The following DPYSL2 variants were observed in gnomAD, a reference collection of about 807,000 sequenced individuals.
The protein encoded by DPYSL2 is dihydropyrimidinase like 2, also known as dihydropyrimidinase-related protein 2.
A neutral mutation model predicts 69.9 loss-of-function variants in DPYSL2; 13 were observed. The ratio of observed to expected loss-of-function variants is 0.19; its 90% CI spans 0.12 to 0.30. The LOEUF (loss-of-function observed/expected upper bound fraction) is 0.30. DPYSL2 is among the 10% of genes least tolerant of loss of function. DPYSL2 has a pLI of 1.00. For synonymous variants in DPYSL2, 326 were observed against 359.1 expected, an observed-to-expected ratio of 0.91 and a Z score of 1.04; for missense variants, 587 against 918.9, an observed-to-expected ratio of 0.64 and a Z score of 4.67.
In DPYSL2 at chr8:26,562,364, A is replaced by G. The variant is rs1801086625; in HGVS notation, c.355-19605A>G. On this transcript the variant is annotated intron_variant, in intron 1 of 13. Transcript: ENST00000521913. This position sits in a 1 kb window ranked among gnomAD's most constrained non-coding sequence, Gnocchi z 4.9. ...GCCCAGTAATTGCTGCAAAAGTGGT[A>G]GCTGTTATTATTGCCTCCAACATAA... is the stretch of plus-strand genomic sequence containing the variant. Among the ~76,000 whole-genome samples the G allele has an allele frequency of 6.6e-6, 1 of 152,184 alleles. No individual in the cohort carries two copies. Among genetic ancestry groups the G allele is most frequent in the Non-Finnish European group, 1.5e-5 (1 of 68,032 alleles).
chr8:26,519,770 A>C (rs1808355793), intron 1 of DPYSL2, among the ~76,000 whole-genome samples: 1 of 152,184 alleles, frequency 6.6e-6, no homozygotes. Flanking sequence ...TAAGGGTACA[A>C]TTTAATTTTG....
intron 7 of DPYSL2, among the ~76,000 whole-genome samples, chr8:26,631,756 G>A (rs749937): frequency 0.21 from 32,494 of 151,798 alleles, 4,726 homozygotes; most frequent in African/African-American, 0.4. Flanking sequence ...TGACAGCCCA[G>A]TGAGGCGAGG....
At chr8:26,592,312 C>A (rs1051879592) in intron 3 of DPYSL2, among the ~76,000 whole-genome samples, 4 of 152,030 alleles carry the variant, frequency 2.6e-5, no homozygotes, top group African/African-American at 9.7e-5. Flanking sequence ...ACCACTACAC[C>A]CGGCTAATTT....
rs922342737 is a variant in DPYSL2 at position 26,588,524 on chromosome 8, C to A, written c.628+4541C>A. Reference sequence around the variant, plus strand: ...AATGTCATTTCTGCTCACCTGAACTCCAGGCTCTCTCTAGAGGAGGTGCAC... The same window carrying A: ...AATGTCATTTCTGCTCACCTGAACTACAGGCTCTCTCTAGAGGAGGTGCAC... On this transcript the variant is annotated intron_variant, in intron 3 of 13. Coordinates refer to ENST00000521913, the MANE Select transcript of DPYSL2 (RefSeq NM_001197293.3). The surrounding 1 kb of genome is among the most constrained non-coding windows in gnomAD (Gnocchi z 5.4). Among the ~76,000 whole-genome samples the A allele has an allele frequency of 1.8e-4, 27 of 152,156 alleles. No individual in the cohort carries two copies. Among genetic ancestry groups the A allele is most frequent in the African/African-American group, 6.5e-4 (27 of 41,434 alleles).
At chr8:26,606,219 T>C (rs1281793245) in intron 3 of DPYSL2, among the ~76,000 whole-genome samples, 2 of 152,156 alleles carry the variant, frequency 1.3e-5, no homozygotes, top group African/African-American at 4.8e-5. Flanking sequence ...AAAATATTCA[T>C]AGTATTATAT....
intron 3 of DPYSL2, among the ~76,000 whole-genome samples, chr8:26,616,745 TC>T (rs1802359708): frequency 6.6e-6 from 1 of 152,142 alleles, no homozygotes; most frequent in Admixed American, 6.5e-5. Context: ...CCCTCTTCCC[TC>T]CTGCTCCACG....
chr8:26,598,093 C>T lies in DPYSL2; in HGVS notation c.628+14110C>T, dbSNP rs553626312. ...GCATAATAGGGTTGCTTTGAGGATCCAGGGAGGTGGTGGCTATGGCAGGGC... is the reference window on the plus strand; with the variant it reads ...GCATAATAGGGTTGCTTTGAGGATCTAGGGAGGTGGTGGCTATGGCAGGGC... On this transcript the variant is annotated intron_variant, in intron 3 of 13. Transcript: ENST00000521913. This position sits in a 1 kb window ranked among gnomAD's most constrained non-coding sequence, Gnocchi z 4.2. Among the ~76,000 whole-genome samples the T allele has an allele frequency of 6.6e-6, 1 of 152,210 alleles. No individual in the cohort carries two copies. The highest frequency in any genetic ancestry group is 1.9e-4 in the East Asian group (1 of 5,168).
chr8:26,634,772 T>C lies in DPYSL2; in HGVS notation c.1006-8T>C, dbSNP rs376515723. ...GCCACATTCTCATGCTCTGCTGCTG[T>C]TTTGCAGGTCGAGGCCGAAGCCGTG... On this transcript the variant is annotated splice_polypyrimidine_tract_variant and splice_region_variant and intron_variant, in intron 7 of 13. Coordinates refer to ENST00000521913, the MANE Select transcript of DPYSL2 (RefSeq NM_001197293.3). 8.3e-5 allele frequency: 134 copies of C among 1,613,904 alleles called. No homozygotes were observed. The highest frequency in any genetic ancestry group is 1.1e-4 in the Non-Finnish European group (125 of 1,179,964).
At position 26,519,782 on chromosome 8, in the gene DPYSL2, A is replaced by G. The variant is rs189642701; in HGVS notation, c.354+5103A>G. The stretch of plus-strand genomic sequence containing the variant: ...ACATAAGGGTACAATTTAATTTTGC[A>G]GGCAAAATATGTTACATCCCATTAA... On this transcript the variant is annotated intron_variant, in intron 1 of 13. Coordinates refer to ENST00000521913, the MANE Select transcript of DPYSL2 (RefSeq NM_001197293.3). Among the ~76,000 whole-genome samples the G allele has an allele frequency of 1.1e-3, 175 of 152,294 alleles. 3 individuals are homozygous for G. In the East Asian group the frequency reaches 0.03, roughly 27 times the overall value.
At position 26,636,454 on chromosome 8, in the gene DPYSL2, C is replaced by T. The variant is rs143298342; in HGVS notation, c.1126+1554C>T. ...GCGCTGTACCTAGATGATGATGATA[C>T]GTGAGTTAGGCTAACATTTCAACGT... On this transcript the variant is annotated intron_variant, in intron 8 of 13. Coordinates refer to ENST00000521913, the MANE Select transcript of DPYSL2 (RefSeq NM_001197293.3). Among the ~76,000 whole-genome samples the T allele has an allele frequency of 1.5e-3, 233 of 152,340 alleles. 1 individual carries two copies. Among genetic ancestry groups the T allele is most frequent in the African/African-American group, 5.3e-3 (220 of 41,576 alleles).
rs369386752 is a variant in DPYSL2, at chr8:26,610,128, G to A, written c.629-14015G>A. Among the ~76,000 whole-genome samples, 1 of 152,224 alleles carries A rather than the reference G, an allele frequency of 6.6e-6. No homozygotes were observed. The highest frequency in any genetic ancestry group is 2.4e-5 in the African/African-American group (1 of 41,460). ...AAAGCCTGCTGGAGATGTAACTGTC[G>A]TGATGTTTCGTGGGATCTGCAAGAG... On this transcript the variant is annotated intron_variant, in intron 3 of 13. Coordinates refer to ENST00000521913, the MANE Select transcript of DPYSL2 (RefSeq NM_001197293.3). The surrounding 1 kb of genome is among the most constrained non-coding windows in gnomAD (Gnocchi z 4.5).
At chr8:26,645,987 T>A (rs777399886) in intron 10 of DPYSL2, among the ~76,000 whole-genome samples, 36 of 152,102 alleles carry the variant, frequency 2.4e-4, no homozygotes, top group Non-Finnish European at 4.6e-4. Flanking sequence ...TGCTTCAGCC[T>A]CCTGAGTAGC....
chr8:26,525,665 T>A (rs1367522425), intron 1 of DPYSL2, among the ~76,000 whole-genome samples: 1 of 152,238 alleles, frequency 6.6e-6, no homozygotes, highest in Non-Finnish European at 1.5e-5. Flanking sequence ...TATATTTTAA[T>A]ATGCTGAACC....
At chr8:26,655,565 T>G in intron 13 of DPYSL2, 50 bp from the exon 14 acceptor site, 1 of 1,473,944 alleles carries the variant, frequency 6.8e-7, no homozygotes, top group Non-Finnish European at 9.2e-7. Context: ...CAGGATCTTG[T>G]GTGACTGTCC....
chr8:26,556,825 TGACTTCA>T, intron 1 of DPYSL2, among the ~76,000 whole-genome samples: 1 of 152,254 alleles, frequency 6.6e-6, no homozygotes, highest in East Asian at 1.9e-4. Flanking sequence ...AGATACCATC[TGACTTCA>T]AAACTTACTA....
chr8:26,519,016 G>A (rs1014646046), intron 1 of DPYSL2, among the ~76,000 whole-genome samples: 1 of 152,178 alleles, frequency 6.6e-6, no homozygotes, highest in Non-Finnish European at 1.5e-5. Flanking sequence ...TGGAGCTCAA[G>A]GATAGAGAGG....
intron 3 of DPYSL2, among the ~76,000 whole-genome samples, chr8:26,599,289 C>T (rs368157285): frequency 1.3e-5 from 2 of 152,110 alleles, no homozygotes; most frequent in African/African-American, 4.8e-5. Context: ...TGACAGAAAT[C>T]CCCTATTTTT....
chr8:26,531,935 A>G (rs1188096190), intron 1 of DPYSL2, among the ~76,000 whole-genome samples: 4 of 151,856 alleles, frequency 2.6e-5, no homozygotes, highest in Non-Finnish European at 2.9e-5. Flanking sequence ...GTACTTGGGG[A>G]AACTCATCTT....
intron 1 of DPYSL2, chr8:26,578,157 G>GA (rs1316709438): frequency 1.9e-6 from 3 of 1,598,956 alleles, no homozygotes; most frequent in Admixed American, 3.5e-5. Context: ...TCTTGCAAAG[G>GA]AAAAAAACAA....
Sources: gnomAD v4.1 joint callset for allele counts (sites outside exome capture counted in the v4.1 genomes callset) on GRCh38, gnomAD v4.1.1 for gene constraint, Gnocchi (gnomAD v3.1) non-coding constraint, MANE v1.5 for transcripts, NCBI Gene and HGNC (gene_info 2026-07-23, HGNC 2026-07-21) for gene names.